The following GOLGA3 variants were observed in gnomAD, a reference collection of about 807,000 sequenced individuals.
The protein encoded by GOLGA3 is golgin A3.
In GOLGA3, 75 loss-of-function variants were observed where a neutral mutation model predicts 169.4. The ratio of observed to expected loss-of-function variants is 0.44; its 90% confidence interval spans 0.37 to 0.54. GOLGA3 has a LOEUF of 0.54. Among genes scored for constraint, GOLGA3 ranks in the 20% least tolerant of loss-of-function variants. The pLI is 0.00. For synonymous variants in GOLGA3, 824 were observed against 822.4 expected, an observed-to-expected ratio of 1.00 and a Z score of -0.03; for missense variants, 1,899 against 1,930.0, an observed-to-expected ratio of 0.98 and a Z score of 0.30.
At position 132,784,753 on chromosome 12, in the gene GOLGA3, AC is replaced by A. The variant is rs552995489; in HGVS notation, c.3124-447del. Among the ~76,000 whole-genome samples the A allele has an allele frequency of 3.5e-4, 50 of 143,042 alleles. 1 individual carries two copies. The East Asian group carries it at 8.6e-3, about 24-fold the overall frequency. 93.8% of individuals were successfully genotyped at this position (143,042 alleles called of 152,430 possible). A position where few individuals can be genotyped will look rare whatever the true frequency, so the allele number is the denominator to read the frequency against. ...TCACACCCCACACGCACATGCTCAC[AC>A]CCCACGTGTTCACACCCCACACCAC... On this transcript the variant is annotated intron_variant, in intron 15 of 23. Coordinates refer to ENST00000450791, the MANE Select transcript of GOLGA3 (RefSeq NM_001389683.1).
chr12:132,787,962 G>A (rs924856783), intron 13 of GOLGA3, among the ~76,000 whole-genome samples: 3 of 151,962 alleles, frequency 2.0e-5, no homozygotes, highest in South Asian at 4.1e-4. Context: ...GAACACTGAG[G>A]GCCGCGTCCC....
intron 1 of GOLGA3, among the ~76,000 whole-genome samples, chr12:132,826,767 A>C (rs1950431548): frequency 6.6e-6 from 1 of 152,144 alleles, no homozygotes; most frequent in Non-Finnish European, 1.5e-5. Flanking sequence ...GTCTTGCTTG[A>C]TTTTTAGTTA....
chr12:132,797,842 C>G (rs537919466), intron 9 of GOLGA3, among the ~76,000 whole-genome samples: 1 of 152,218 alleles, frequency 6.6e-6, no homozygotes, highest in Non-Finnish European at 1.5e-5. Flanking sequence ...GCCATGACCT[C>G]GACAGCGTGT....
At chr12:132,807,115 G>T in intron 6 of GOLGA3, 62 bp downstream of exon 6, 1 of 968,102 alleles carries the variant, frequency 1.0e-6, no homozygotes. Flanking sequence ...GTACCCAACA[G>T]AGGAGCCACA....
chr12:132,824,023 C>A (rs1437952668), intron 1 of GOLGA3, among the ~76,000 whole-genome samples: 1 of 150,892 alleles, frequency 6.6e-6, no homozygotes, highest in Non-Finnish European at 1.5e-5. Flanking sequence ...ACAGAGGTTG[C>A]GTGAGCCAAA....
intron 1 of GOLGA3, among the ~76,000 whole-genome samples, chr12:132,828,085 T>G (rs554897266): frequency 6.6e-6 from 1 of 152,328 alleles, no homozygotes; most frequent in South Asian, 2.1e-4. Flanking sequence ...TCAAACTTTC[T>G]GCCTGAGGCG....
In GOLGA3 at chr12:132,773,040, A is replaced by C. The variant is rs897880037; in HGVS notation, c.*65T>G. ...GTCTTAGAAAAACATCGACCACACA[A>C]TCAAATAAATAACATTGATAAGAGC... On this transcript the variant is annotated 3_prime_UTR_variant, in exon 24 of 24. Transcript: ENST00000450791. The C allele has an allele frequency of 3.8e-5, 45 of 1,171,646 alleles. No individual in the cohort carries two copies. Among genetic ancestry groups the C allele is most frequent in the Non-Finnish European group, 5.3e-5 (45 of 851,132 alleles). 72.6% of individuals were successfully genotyped at this position (1,171,646 alleles called of 1,614,324 possible).
chr12:132,781,721 A>T (rs994646090), intron 17 of GOLGA3, among the ~76,000 whole-genome samples: 1 of 152,190 alleles, frequency 6.6e-6, no homozygotes, highest in African/African-American at 2.4e-5. Flanking sequence ...GGCCCCCAGG[A>T]TTTCCCTGAA....
chr12:132,799,820 A>C (rs995837938), intron 8 of GOLGA3, among the ~76,000 whole-genome samples: 2 of 151,846 alleles, frequency 1.3e-5, no homozygotes, highest in Admixed American at 6.6e-5. Context: ...GGCTCACTAC[A>C]ACCTCTGCCT....
At position 132,807,411 on chromosome 12, in the gene GOLGA3, A is replaced by T. The variant is rs572471696; in HGVS notation, c.1179-123T>A. The T allele has an allele frequency of 1.1e-3, 595 of 545,096 alleles. 12 individuals are homozygous for T. In the South Asian group the frequency reaches 0.015, roughly 14 times the overall value. 33.8% of individuals were successfully genotyped at this position (545,096 alleles called of 1,614,324 possible). A position where few individuals can be genotyped will look rare whatever the true frequency, so the allele number is the denominator to read the frequency against. On this transcript the variant is annotated intron_variant, in intron 5 of 23. Transcript: ENST00000450791. The stretch of plus-strand genomic sequence containing the variant: ...TCCCAATTTTTTAAAATTAAGTAAG[A>T]GATTTAAGTAGAGAGCTGAGGCTTG...
Position 132,777,860 on chromosome 12 carries a change from G to A in GOLGA3, c.3583-55C>T. 6.3e-7 allele frequency: 1 copy of A among 1,592,800 alleles called. No individual in the cohort carries two copies. Among genetic ancestry groups the A allele is most frequent in the Non-Finnish European group, 8.6e-7 (1 of 1,168,252 alleles). On this transcript the variant is annotated intron_variant, in intron 18 of 23. Transcript: ENST00000450791. The surrounding 1 kb of genome is among the most constrained non-coding windows in gnomAD (Gnocchi z 4.7). Reference sequence around the variant, plus strand: ...CCCTGCGTGACACCCACAGCTTTATGACGTGCCGGGCGCAGGGGGTGAATG... The same window carrying A: ...CCCTGCGTGACACCCACAGCTTTATAACGTGCCGGGCGCAGGGGGTGAATG...
rs187924934 is a variant in GOLGA3, at chr12:132,796,639, T to G, written c.2000A>C (p.Glu667Ala). 321 of 1,613,950 alleles carry G rather than the reference T, an allele frequency of 2.0e-4. No individual in the cohort carries two copies. The highest frequency in any genetic ancestry group is 2.4e-4 in the Non-Finnish European group (288 of 1,179,974). Residue 667 changes from glutamate to alanine, a missense_variant, in exon 10 of 24, where the codon GAG becomes GCG. Glu to Ala is a moderately radical substitution (Grantham distance 107). Coordinates refer to ENST00000450791, the MANE Select transcript of GOLGA3 (RefSeq NM_001389683.1). Reference protein sequence around the residue: ...MQIQEAKTMVEEDLQRRLEEF... With the variant: ...MQIQEAKTMVAEDLQRRLEEF... ...TTCCAGCCTCCTCTGAAGGTCCTCC[T>G]CCACCATCGTCTTTGCCTCCTGAAT...
intron 1 of GOLGA3, chr12:132,828,487 A>G (rs923199045): frequency 1.3e-5 from 2 of 152,294 alleles, no homozygotes; most frequent in African/African-American, 4.8e-5. Context: ...GGCCAGGCTA[A>G]AGCAAGCACT....
At chr12:132,809,372 A>T (rs1309263298) in intron 4 of GOLGA3, among the ~76,000 whole-genome samples, 1 of 152,182 alleles carries the variant, frequency 6.6e-6, no homozygotes, top group East Asian at 1.9e-4. Context: ...CCTCCACAAG[A>T]GGTGGAGGAG....
chr12:132,800,701 C>T (rs949567382), intron 8 of GOLGA3, among the ~76,000 whole-genome samples: 1 of 152,190 alleles, frequency 6.6e-6, no homozygotes, highest in Non-Finnish European at 1.5e-5. Flanking sequence ...TGGCTCACGC[C>T]TGTAATCCCA....
chr12:132,811,865 G>A, intron 4 of GOLGA3: 1 of 916,502 alleles, frequency 1.1e-6, no homozygotes, highest in Non-Finnish European at 1.3e-6. Context: ...ACATGACATA[G>A]GCTGGGCGCG....
chr12:132,786,229 C>G (rs2045890584), intron 15 of GOLGA3, 110 bp downstream of exon 15: 9 of 716,892 alleles, frequency 1.3e-5, no homozygotes, highest in Admixed American at 2.9e-5. Flanking sequence ...GTTGCCACCT[C>G]CCACGCGAGC....
chr12:132,820,886 G>C (rs1950176464), intron 2 of GOLGA3, among the ~76,000 whole-genome samples: 1 of 152,068 alleles, frequency 6.6e-6, no homozygotes, highest in Non-Finnish European at 1.5e-5. Context: ...GATCATTTGA[G>C]ATCAGGAGTT....
chr12:132,801,990 C>A, intron 7 of GOLGA3, 21 bp from the exon 8 acceptor site: 1 of 1,583,394 alleles, frequency 6.3e-7, no homozygotes, highest in African/African-American at 1.3e-5. Flanking sequence ...GCAAGCACAG[C>A]GGCTCAGGCC....
Sources: gnomAD v4.1 joint callset for allele counts (sites outside exome capture counted in the v4.1 genomes callset) on GRCh38, gnomAD v4.1.1 for gene constraint, Gnocchi (gnomAD v3.1) non-coding constraint, MANE v1.5 for transcripts, NCBI Gene and HGNC (gene_info 2026-07-23, HGNC 2026-07-21) for gene names.